The following ANXA4 variants were observed in gnomAD, a reference collection of about 807,000 sequenced individuals.
ANXA4 encodes the protein annexin A4.
ANXA4 carries 39 observed loss-of-function variants against 49.8 expected under a neutral mutation model. The observed-to-expected ratio is 0.78, with a 90% CI of 0.61 to 1.02. The LOEUF is 1.02. Among genes scored for constraint, ANXA4 ranks in the 50% least tolerant of loss-of-function variants. The probability of loss-of-function intolerance (pLI) is 0.00; values close to 1 mark genes in which losing one functional copy is unlikely to be tolerated. For synonymous variants in ANXA4, 134 were observed against 152.5 expected, an observed-to-expected ratio of 0.88 and a Z score of 0.89; for missense variants, 360 against 410.1, an observed-to-expected ratio of 0.88 and a Z score of 1.05.
chr2:69,804,988 A>G (rs1673377402), intron 4 of ANXA4, among the ~76,000 whole-genome samples: 1 of 136,618 alleles, frequency 7.3e-6, no homozygotes, highest in Non-Finnish European at 1.5e-5. Flanking sequence ...TGGAGGTTGC[A>G]GTGAGCCAAG....
intron 2 of ANXA4, among the ~76,000 whole-genome samples, chr2:69,656,333 G>GTATATA (rs1399740460): frequency 1.1e-5 from 1 of 91,454 alleles, no homozygotes; most frequent in African/African-American, 6.7e-5. Flanking sequence ...GTATATATAT[G>GTATATA]TGTATATATA....
chr2:69,822,039 G>A (rs1259496104), intron 12 of ANXA4, among the ~76,000 whole-genome samples: 4 of 152,124 alleles, frequency 2.6e-5, no homozygotes, highest in Non-Finnish European at 1.5e-5. Context: ...AGTCTGTTAC[G>A]AAACTTTAAG....
chr2:69,826,435 G>A lies in ANXA4; in HGVS notation c.*920G>A, dbSNP rs906696104. The A allele has an allele frequency of 6.6e-6, 1 of 152,526 alleles. No homozygotes were observed. The highest frequency in any genetic ancestry group is 2.1e-4 in the South Asian group (1 of 4,834). The allele number at this position is 152,526 out of a possible 1,614,324, so 9.4% of individuals were successfully genotyped here. A position where few individuals can be genotyped will look rare whatever the true frequency, so the allele number is the denominator to read the frequency against. ...CAGAAACATTCTGAAGATGTACTTG[G>A]ATTTAATTAAAAAGTTCACTTTGTA... is the stretch of plus-strand genomic sequence containing the variant. On this transcript the variant is annotated 3_prime_UTR_variant, in exon 13 of 13. Transcript: ENST00000394295.
rs917697989 is a variant in ANXA4 at position 69,808,015 on chromosome 2, G to A, written c.397+19G>A. The stretch of plus-strand genomic sequence containing the variant: ...CAGCAGCGTACGTGACATCCGCAGT[G>A]GCCCTGGCTGAGGTTTCGCTGTGAT... On this transcript the variant is annotated intron_variant, in intron 6 of 12. Coordinates refer to ENST00000394295, the MANE Select transcript of ANXA4 (RefSeq NM_001153.5). 20 of 1,611,810 alleles carry A rather than the reference G, an allele frequency of 1.2e-5. No homozygotes were observed. The highest frequency in any genetic ancestry group is 1.7e-5 in the Non-Finnish European group (20 of 1,178,120).
chr2:69,717,598 C>T (rs1486462845), intron 2 of ANXA4, among the ~76,000 whole-genome samples: 1 of 152,222 alleles, frequency 6.6e-6, no homozygotes, highest in East Asian at 1.9e-4. Flanking sequence ...TTACCCGTCG[C>T]TGCATCTTTC....
chr2:69,717,979 A>C (rs1481940063), intron 2 of ANXA4, among the ~76,000 whole-genome samples: 1 of 152,148 alleles, frequency 6.6e-6, no homozygotes, highest in Non-Finnish European at 1.5e-5. Context: ...GGCTAGGGAG[A>C]TGCTTGATAC....
intron 1 of ANXA4, among the ~76,000 whole-genome samples, chr2:69,651,580 G>A (rs1041877534): frequency 1.4e-5 from 2 of 144,436 alleles, no homozygotes; most frequent in African/African-American, 5.1e-5. Flanking sequence ...TCGGCTCACT[G>A]CAAGCTCCGC....
chr2:69,751,297 T>G (rs536469097), intron 1 of ANXA4, among the ~76,000 whole-genome samples: 1 of 152,058 alleles, frequency 6.6e-6, no homozygotes, highest in Non-Finnish European at 1.5e-5. Flanking sequence ...GTGGATTGCC[T>G]GAGCTCAGGG....
rs546790295 is a variant in ANXA4, at chr2:69,731,983, T to TC, written n.864+11112_864+11113insC. Among the ~76,000 whole-genome samples the TC allele has an allele frequency of 4.2e-3, 601 of 143,438 alleles. 1 individual carries two copies. Among genetic ancestry groups the TC allele is most frequent in the Admixed American group, 8.5e-3 (124 of 14,634 alleles). The allele number at this position is 143,438 out of a possible 152,430, so 94.1% of individuals were successfully genotyped here. On this transcript the variant is annotated intron_variant and non_coding_transcript_variant, in intron 3 of 3. Coordinates refer to the ANXA4 transcript ENST00000418066. ...TTAGTTACATTTTCTTTTCTTTCTTTTTTTTTTTTTTTTTTGAGATGGAGT... is the reference window on the plus strand; with the variant it reads ...TTAGTTACATTTTCTTTTCTTTCTTTCTTTTTTTTTTTTTTTGAGATGGAGT...
chr2:69,758,199 G>A (rs1235487943), intron 1 of ANXA4, among the ~76,000 whole-genome samples: 1 of 152,144 alleles, frequency 6.6e-6, no homozygotes, highest in Non-Finnish European at 1.5e-5. Context: ...TTTTTGTAGA[G>A]ACAGGGTTTC....
intron 2 of ANXA4, among the ~76,000 whole-genome samples, chr2:69,696,646 A>C (rs1309988969): frequency 6.6e-6 from 1 of 152,166 alleles, no homozygotes; most frequent in Non-Finnish European, 1.5e-5. Flanking sequence ...CAGCCTTACA[A>C]ATGTATTTCT....
intron 1 of ANXA4, among the ~76,000 whole-genome samples, chr2:69,648,908 TG>T (rs1676115788): frequency 7.2e-6 from 1 of 139,592 alleles, no homozygotes; most frequent in African/African-American, 2.7e-5. Flanking sequence ...TTTTTTGAGA[TG>T]GAGTTTTGCT....
intron 3 of ANXA4, among the ~76,000 whole-genome samples, chr2:69,723,787 T>A (rs1416087327): frequency 6.6e-6 from 1 of 152,184 alleles, no homozygotes; most frequent in Non-Finnish European, 1.5e-5. Context: ...TGGGCTCAAG[T>A]CATCCTCCCA....
intron 3 of ANXA4, among the ~76,000 whole-genome samples, chr2:69,727,403 A>G (rs1319278907): frequency 6.6e-6 from 1 of 152,172 alleles, no homozygotes; most frequent in African/African-American, 2.4e-5. Context: ...CTCCAATCTG[A>G]TAACATTTGG....
chr2:69,746,298 C>T (rs572565973), intron 1 of ANXA4, among the ~76,000 whole-genome samples: 1 of 152,228 alleles, frequency 6.6e-6, no homozygotes, highest in Non-Finnish European at 1.5e-5. Context: ...ATGTGAGCCA[C>T]TGCGCCCGGC....
Position 69,648,886 on chromosome 2 carries a change from TTC to T in ANXA4, n.481+3983_481+3984del, listed in dbSNP as rs1233080824. On this transcript the variant is annotated intron_variant and non_coding_transcript_variant, in intron 1 of 3. Coordinates refer to the ANXA4 transcript ENST00000418066. ...TAATTTTTAATTTTCTTTCTTTCTT[TTC>T]TTTTTTTTTTTTTTTGAGATGGAGT... Among the ~76,000 whole-genome samples the T allele has an allele frequency of 3.3e-4, 45 of 137,908 alleles. 1 individual carries two copies. The East Asian group carries it at 5.4e-3, about 16-fold the overall frequency. 90.5% of individuals were successfully genotyped at this position (137,908 alleles called of 152,430 possible).
intron 3 of ANXA4, among the ~76,000 whole-genome samples, chr2:69,734,957 C>T (rs1420038461): frequency 1.3e-5 from 2 of 152,164 alleles, no homozygotes; most frequent in African/African-American, 4.8e-5. Flanking sequence ...TCAACCCTGC[C>T]CAGTTCCACT....
In ANXA4 at chr2:69,819,348, C is replaced by T. The variant is rs778173091; in HGVS notation, c.783+10C>T. 6.3e-6 allele frequency: 10 copies of T among 1,596,126 alleles called. No individual in the cohort carries two copies. Among genetic ancestry groups the T allele is most frequent in the Admixed American group, 3.4e-5 (2 of 59,038 alleles). ...CTATAAATCGATGAAGGTAAATGGCCTTATTTTCAGCATCTAAATGAATTT... is the reference window on the plus strand; with the variant it reads ...CTATAAATCGATGAAGGTAAATGGCTTTATTTTCAGCATCTAAATGAATTT... On this transcript the variant is annotated intron_variant, in intron 11 of 12. Coordinates refer to ENST00000394295, the MANE Select transcript of ANXA4 (RefSeq NM_001153.5).
At chr2:69,651,820 G>C (rs1394424143) in intron 1 of ANXA4, among the ~76,000 whole-genome samples, 64 of 39,260 alleles carry the variant, frequency 1.6e-3, no homozygotes, top group African/African-American at 2.8e-3. Flanking sequence ...TTTTTTTTGG[G>C]GGGGGGGGGC....
Sources: gnomAD v4.1 joint callset for allele counts (sites outside exome capture counted in the v4.1 genomes callset) on GRCh38, gnomAD v4.1.1 for gene constraint, MANE v1.5 for transcripts, NCBI Gene and HGNC (gene_info 2026-07-23, HGNC 2026-07-21) for gene names.